The following DMD variants were observed in gnomAD, a reference collection of about 807,000 sequenced individuals.
The protein encoded by DMD is mutant dystrophin.
DMD carries 63 observed loss-of-function variants against 330.1 expected under a neutral mutation model. The ratio of observed to expected loss-of-function variants is 0.19; its 90% CI spans 0.16 to 0.24. DMD has a LOEUF of 0.24. DMD is among the 10% of genes least tolerant of loss of function. The pLI, the probability that DMD is intolerant of heterozygous loss-of-function variation, is 1.00. For missense variants in DMD, 3,344 were observed against 2,684.1 expected (o/e 1.25, Z -5.43); for synonymous variants, 1,223 against 959.8 (o/e 1.27, Z -5.07).
chrX:31,749,116 C>CT (rs760569933), intron 51 of DMD, among the ~76,000 whole-genome samples: 3 of 105,278 alleles, frequency 2.8e-5, no homozygotes, highest in Non-Finnish European at 5.9e-5. Flanking sequence ...TTGTTTGTTT[C>CT]TTTTTTTAAT....
intron 47 of DMD, among the ~76,000 whole-genome samples, chrX:31,887,216 T>C (rs1386497195): frequency 8.9e-6 from 1 of 112,309 alleles, no homozygotes; most frequent in Non-Finnish European, 1.9e-5. Flanking sequence ...TTTCACAAAA[T>C]AAATTCCTTT....
intron 34 of DMD, among the ~76,000 whole-genome samples, chrX:32,378,447 CTG>C (rs2097912636): frequency 9.1e-6 from 1 of 109,630 alleles, no homozygotes; most frequent in Non-Finnish European, 1.9e-5. Flanking sequence ...TAAGATAAAA[CTG>C]ATACTATTTA....
chrX:32,626,169 T>C (rs2058331535), intron 11 of DMD, among the ~76,000 whole-genome samples: 1 of 112,228 alleles, frequency 8.9e-6, no homozygotes, highest in African/African-American at 3.2e-5. Context: ...ATTTATTTAC[T>C]TATTCAAAAT....
intron 67 of DMD, among the ~76,000 whole-genome samples, chrX:31,190,889 C>T (rs1179448058): frequency 1.8e-5 from 2 of 111,348 alleles, no homozygotes; most frequent in Non-Finnish European, 3.8e-5. Flanking sequence ...ATTTAATAAG[C>T]CGGCAACTAT....
At chrX:31,883,643 C>T (rs573775209) in intron 47 of DMD, among the ~76,000 whole-genome samples, 5 of 110,930 alleles carry the variant, frequency 4.5e-5, no homozygotes, top group East Asian at 2.8e-4. Context: ...AAAAGTGAAA[C>T]GAAATCTCCC....
intron 49 of DMD, among the ~76,000 whole-genome samples, chrX:31,828,740 A>C (rs781414120): frequency 1.7e-3 from 193 of 110,620 alleles, no homozygotes; most frequent in African/African-American, 6.1e-3. Context: ...GTAATTTAAA[A>C]ATTGCCAAAA....
intron 1 of DMD, among the ~76,000 whole-genome samples, chrX:33,167,967 T>C (rs1484071488): frequency 2.7e-5 from 3 of 111,122 alleles, no homozygotes; most frequent in African/African-American, 9.8e-5. Flanking sequence ...TGGCACACAG[T>C]AAGCACCATT....
chrX:32,937,823 T>C (rs1167320208), intron 2 of DMD, among the ~76,000 whole-genome samples: 2 of 110,510 alleles, frequency 1.8e-5, no homozygotes, highest in Non-Finnish European at 3.8e-5. Flanking sequence ...AGGTAACCAA[T>C]ATTATATAGA....
chrX:32,701,121 TC>T (rs1391791804), intron 7 of DMD, among the ~76,000 whole-genome samples: 2 of 112,171 alleles, frequency 1.8e-5, no homozygotes, highest in Non-Finnish European at 3.8e-5. Context: ...ATTCAATAGA[TC>T]GGGGTAGAGC....
At chrX:32,432,034 A>C (rs893268611) in intron 29 of DMD, among the ~76,000 whole-genome samples, 8 of 111,763 alleles carry the variant, frequency 7.2e-5, no homozygotes, top group African/African-American at 2.6e-4. Context: ...ACTTGTTTGG[A>C]TATTTCTTTA....
intron 44 of DMD, among the ~76,000 whole-genome samples, chrX:32,090,334 G>T (rs184314992): frequency 8.9e-6 from 1 of 111,962 alleles, no homozygotes; most frequent in African/African-American, 3.2e-5. Flanking sequence ...AGGAAAATGT[G>T]TGAAAGACAT....
intron 2 of DMD, among the ~76,000 whole-genome samples, chrX:32,930,520 A>T (rs1329096533): frequency 9.0e-6 from 1 of 110,865 alleles, no homozygotes; most frequent in Non-Finnish European, 1.9e-5. Context: ...ACTAATCAAG[A>T]CGCTTTTAAA....
intron 47 of DMD, among the ~76,000 whole-genome samples, chrX:31,919,925 A>G (rs962999747): frequency 8.9e-6 from 1 of 112,133 alleles, no homozygotes; most frequent in African/African-American, 3.2e-5. Context: ...AATAACATCA[A>G]AGGGTGATAA....
chrX:32,265,379 A>C (rs2097340248), intron 43 of DMD, among the ~76,000 whole-genome samples: 1 of 112,536 alleles, frequency 8.9e-6, no homozygotes, highest in African/African-American at 3.2e-5. Context: ...ATTTCAGAGG[A>C]TATATGGAAA....
intron 47 of DMD, among the ~76,000 whole-genome samples, chrX:31,910,371 G>A (rs2094532301): frequency 8.9e-6 from 1 of 111,860 alleles, no homozygotes; most frequent in South Asian, 3.7e-4. Flanking sequence ...CCTTCTAACA[G>A]TGCAAAGCAC....
At chrX:32,536,890 A>G (rs1220355271) in intron 17 of DMD, among the ~76,000 whole-genome samples, 3 of 112,148 alleles carry the variant, frequency 2.7e-5, no homozygotes, top group Non-Finnish European at 5.6e-5. Flanking sequence ...ACTGCATTTT[A>G]AGATATCCCT....
At chrX:33,097,819 C>T (rs5927139) in intron 1 of DMD, among the ~76,000 whole-genome samples, 47,205 of 106,882 alleles carry the variant, frequency 0.44, 8,197 homozygotes, top group Non-Finnish European at 0.51. Flanking sequence ...TTTCATCATG[C>T]TGGCCAGGCT....
intron 44 of DMD, among the ~76,000 whole-genome samples, chrX:31,986,486 C>T (rs1334312657): frequency 9.0e-6 from 1 of 111,035 alleles, no homozygotes; most frequent in Non-Finnish European, 1.9e-5. Flanking sequence ...GATCCCGGCT[C>T]ACTGCAACCT....
intron 57 of DMD, 71 bp downstream of exon 57, chrX:31,496,717 T>C: frequency 1.4e-5 from 16 of 1,142,297 alleles, no homozygotes; most frequent in Non-Finnish European, 1.9e-5. Context: ...CAAACAAAAT[T>C]AATTTTAAAA....
Sources: gnomAD v4.1 joint callset for allele counts (sites outside exome capture counted in the v4.1 genomes callset) on GRCh38, gnomAD v4.1.1 for gene constraint, MANE v1.5 for transcripts, NCBI Gene and HGNC (gene_info 2026-07-23, HGNC 2026-07-21) for gene names.